Variants in CDKL5 observed in about 807,000 individuals in gnomAD.
CDKL5 encodes the protein cyclin-dependent kinase-like 5.
CDKL5 carries 8 observed loss-of-function variants against 61.7 expected under a neutral mutation model. That is an observed-to-expected ratio of 0.13 (90% CI 0.08 to 0.23). CDKL5 has a LOEUF of 0.23. Ranked by LOEUF, CDKL5 falls within the 10% of genes least tolerant of loss-of-function variation. The probability of loss-of-function intolerance (pLI) is 1.00; values close to 1 mark genes in which losing one functional copy is unlikely to be tolerated. For missense variants in CDKL5, 440 were observed against 734.5 expected (o/e 0.60, Z 4.63); for synonymous variants, 275 against 272.3 (o/e 1.01, Z -0.10).
At chrX:18,477,704 A>AT (rs1921371139) in intron 1 of CDKL5, among the ~76,000 whole-genome samples, 1 of 111,406 alleles carries the variant, frequency 9.0e-6, no homozygotes, top group Non-Finnish European at 1.9e-5. Flanking sequence ...TAAGATATAG[A>AT]AACCGTTCCT....
At chrX:18,509,581 A>G (rs1201797146) in intron 2 of CDKL5, among the ~76,000 whole-genome samples, 1 of 111,606 alleles carries the variant, frequency 9.0e-6, no homozygotes, top group African/African-American at 3.3e-5. Context: ...ATCATTCATT[A>G]CATTTTGATT....
At chrX:18,575,305 T>C (rs781092971) in intron 4 of CDKL5, 49 bp from the exon 5 acceptor site, 2 of 1,148,778 alleles carry the variant, frequency 1.7e-6, no homozygotes, top group Non-Finnish European at 2.4e-6. Context: ...CTTTGAATAG[T>C]AGCTTGAAAG....
intron 17 of CDKL5, chrX:18,626,723 T>TCTCTCTCTCTCC (rs1927067378): frequency 6.0e-5 from 1 of 16,545 alleles, no homozygotes; most frequent in African/African-American, 3.5e-4. Flanking sequence ...TCTCTCTCTC[T>TCTCTCTCTCTCC]CCCCCCTCTC....
At chrX:18,577,955 A>G (rs904507434) in intron 5 of CDKL5, among the ~76,000 whole-genome samples, 59 of 112,754 alleles carry the variant, frequency 5.2e-4, no homozygotes, top group African/African-American at 1.8e-3. Context: ...AATTGGAAAC[A>G]TAAATACTGT....
intron 20 of CDKL5, among the ~76,000 whole-genome samples, chrX:18,649,261 G>C (rs905121705): frequency 9.0e-6 from 1 of 110,908 alleles, no homozygotes; most frequent in African/African-American, 3.3e-5. Flanking sequence ...TTAGAGACCT[G>C]GTCTCGCTGT....
chrX:18,545,437 A>G (rs890477437), intron 3 of CDKL5, among the ~76,000 whole-genome samples: 7 of 111,828 alleles, frequency 6.3e-5, no homozygotes, highest in African/African-American at 2.3e-4. Flanking sequence ...AACTAGAAGG[A>G]TGTGACTCAC....
In CDKL5 at chrX:18,638,093, G is replaced by A. The variant is rs1251944210; in HGVS notation, c.*9336G>A. The stretch of plus-strand genomic sequence containing the variant: ...CAAGTGGACAGAAAGATGGGGTTCT[G>A]TGAGCATCCATTCCAAGGGTCACTT... On this transcript the variant is annotated 3_prime_UTR_variant, in exon 18 of 18. Transcript: ENST00000623535. 1 of 111,386 alleles carries A rather than the reference G, an allele frequency of 9.0e-6. No homozygotes were observed. The allele number at this position is 111,386 out of a possible 1,213,427, so 9.2% of individuals were successfully genotyped here. A position where few individuals can be genotyped will look rare whatever the true frequency, so the allele number is the denominator to read the frequency against.
intron 3 of CDKL5, among the ~76,000 whole-genome samples, chrX:18,548,708 T>A (rs1438721975): frequency 8.9e-6 from 1 of 112,028 alleles, no homozygotes; most frequent in Non-Finnish European, 1.9e-5. Context: ...GTGTTTCTGT[T>A]CTATACGTCA....
In CDKL5 at chrX:18,633,605, C is replaced by G; in HGVS notation, c.*4848C>G. On this transcript the variant is annotated 3_prime_UTR_variant, in exon 18 of 18. Transcript: ENST00000623535. The stretch of plus-strand genomic sequence containing the variant: ...CAGAAACGATGAGTAAGAAACCATA[C>G]AAGAAAAAGAAGTCCCTCATCTATC... 1.3e-6 allele frequency: 1 copy of G among 754,518 alleles called. No individual in the cohort carries two copies. The highest frequency in any genetic ancestry group is 6.7e-5 in the South Asian group (1 of 14,875). The allele number at this position is 754,518 out of a possible 1,213,427, so 62.2% of individuals were successfully genotyped here. A position where few individuals can be genotyped will look rare whatever the true frequency, so the allele number is the denominator to read the frequency against.
At chrX:18,613,467 A>G (rs1569221983) in intron 15 of CDKL5, among the ~76,000 whole-genome samples, 192 bp downstream of exon 15, 1 of 111,988 alleles carries the variant, frequency 8.9e-6, no homozygotes, top group African/African-American at 3.2e-5. Context: ...TAGATTAAAT[A>G]TCATGTAAGG....
intron 1 of CDKL5, among the ~76,000 whole-genome samples, chrX:18,484,942 A>G (rs971579753): frequency 3.6e-5 from 4 of 110,473 alleles, no homozygotes; most frequent in Non-Finnish European, 7.6e-5. Flanking sequence ...AATTTTTAGT[A>G]GAGCCAGGGT....
chrX:18,461,487 G>A (rs1377038293), intron 1 of CDKL5, among the ~76,000 whole-genome samples: 1 of 111,791 alleles, frequency 8.9e-6, no homozygotes, highest in Non-Finnish European at 1.9e-5. Flanking sequence ...TAAAAACTAA[G>A]CATCTTATCT....
intron 1 of CDKL5, among the ~76,000 whole-genome samples, chrX:18,470,414 C>T (rs1284016681): frequency 9.8e-6 from 1 of 102,242 alleles, no homozygotes; most frequent in African/African-American, 3.5e-5. Flanking sequence ...ATGAGGTGAA[C>T]CTCATTATCT....
chrX:18,648,423 G>A (rs1327268547), intron 20 of CDKL5, among the ~76,000 whole-genome samples: 1 of 109,790 alleles, frequency 9.1e-6, no homozygotes, highest in Non-Finnish European at 1.9e-5. Flanking sequence ...TGTATTTTTT[G>A]TAGAGACAGG....
intron 3 of CDKL5, among the ~76,000 whole-genome samples, chrX:18,527,010 C>T (rs1602241823): frequency 9.0e-6 from 1 of 110,669 alleles, no homozygotes; most frequent in Admixed American, 9.5e-5. Context: ...CTCGAACTCC[C>T]GACCTCAGGT....
chrX:18,456,230 G>A (rs1458287724), intron 1 of CDKL5, among the ~76,000 whole-genome samples: 1 of 109,934 alleles, frequency 9.1e-6, no homozygotes, highest in Non-Finnish European at 1.9e-5. Flanking sequence ...AGTAGAGACG[G>A]GGTTTCACCA....
chrX:18,509,241 A>C lies in CDKL5; in HGVS notation c.65-1579A>C, dbSNP rs979543434. 3.9e-5 allele frequency among the ~76,000 whole-genome samples: 4 copies of C among 103,390 alleles called. No homozygotes were observed. In the East Asian group the frequency reaches 9.8e-4, roughly 25 times the overall value. The allele number at this position is 103,390 out of a possible 115,157, so 89.8% of individuals were successfully genotyped here. On this transcript the variant is annotated intron_variant, in intron 2 of 17. Transcript: ENST00000623535. ...CACACACACACACACACACACACACACACACCCCTGTCAAGCAAACTCTGC... is the reference window on the plus strand; with the variant it reads ...CACACACACACACACACACACACACCCACACCCCTGTCAAGCAAACTCTGC...
chrX:18,547,741 A>G (rs1018369622), intron 3 of CDKL5, among the ~76,000 whole-genome samples: 10 of 112,031 alleles, frequency 8.9e-5, no homozygotes, highest in African/African-American at 3.2e-4. Flanking sequence ...GTGTGATAAT[A>G]CAGTTTAATT....
At chrX:18,456,373 A>G (rs1203320934) in intron 1 of CDKL5, among the ~76,000 whole-genome samples, 1 of 111,906 alleles carries the variant, frequency 8.9e-6, no homozygotes. Flanking sequence ...CCCAATCTTG[A>G]TGTGGTGTAG....
Sources: allele counts gnomAD v4.1 joint callset (sites outside exome capture counted in the v4.1 genomes callset), GRCh38; gene constraint gnomAD v4.1.1; transcripts MANE v1.5; gene names NCBI Gene and HGNC (gene_info 2026-07-23, HGNC 2026-07-21).